Variants in DNAH11 observed in about 807,000 individuals in gnomAD.
DNAH11 encodes dynein axonemal heavy chain 11, also known as axonemal beta dynein heavy chain 11.
Under a neutral mutation model 526.0 loss-of-function variants are expected in DNAH11, and 442 were observed. The observed-to-expected ratio is 0.84, with a 90% confidence interval of 0.78 to 0.91. The LOEUF is 0.91. Ranked by LOEUF, DNAH11 falls within the 40% of genes least tolerant of loss-of-function variation. The probability of loss-of-function intolerance (pLI) is 0.00; values close to 1 mark genes in which losing one functional copy is unlikely to be tolerated. For missense variants in DNAH11, 6,989 were observed against 5,448.7 expected (o/e 1.28, Z -8.90); for synonymous variants, 2,461 against 1,935.9 (o/e 1.27, Z -7.12).
At position 21,615,023 on chromosome 7, in the gene DNAH11, G is replaced by T. The variant is rs1214439387; in HGVS notation, c.3853-91G>T. On this transcript the variant is annotated intron_variant, in intron 20 of 81. Transcript: ENST00000409508. ...TTTTATTTTCCCGTTAAAAATCAAA[G>T]ATTGAAATGTCGAGATAACCAGAGC... The T allele has an allele frequency of 3.2e-5, 43 of 1,349,282 alleles. No individual in the cohort carries two copies. The Admixed American group carries it at 1.2e-3, about 39-fold the overall frequency. 83.6% of individuals were successfully genotyped at this position (1,349,282 alleles called of 1,614,324 possible).
chr7:21,831,682 C>G (rs1476674033), intron 65 of DNAH11, among the ~76,000 whole-genome samples: 1 of 152,152 alleles, frequency 6.6e-6, no homozygotes, highest in Admixed American at 6.5e-5. Flanking sequence ...AAACTGGAAT[C>G]CTGTATGCTT....
At chr7:21,817,450 A>C (rs1789845096) in intron 64 of DNAH11, among the ~76,000 whole-genome samples, 1 of 150,516 alleles carries the variant, frequency 6.6e-6, no homozygotes, top group African/African-American at 2.5e-5. Flanking sequence ...GGAGGCTGAT[A>C]CAGGAGGATT....
rs561682750 is a variant in DNAH11, at chr7:21,698,491, C to T, written c.6180+278C>T. Among the ~76,000 whole-genome samples, 5 of 152,182 alleles carry T rather than the reference C, an allele frequency of 3.3e-5. No individual in the cohort carries two copies. The South Asian group carries it at 6.2e-4, about 19-fold the overall frequency. ...CACCTCCCACCTTTTCTCCCAAGTC[C>T]CTGTAGGCCATTATATCATTCTTAT... On this transcript the variant is annotated intron_variant, in intron 36 of 81. Coordinates refer to ENST00000409508, the MANE Select transcript of DNAH11 (RefSeq NM_001277115.2).
chr7:21,545,778 C>T (rs573467814), intron 2 of DNAH11, among the ~76,000 whole-genome samples: 4 of 152,232 alleles, frequency 2.6e-5, no homozygotes, highest in South Asian at 4.2e-4. Flanking sequence ...GAGTGGAGCC[C>T]GAGGTTCTGC....
At chr7:21,643,821 A>G (rs962691398) in intron 28 of DNAH11, among the ~76,000 whole-genome samples, 5 of 152,198 alleles carry the variant, frequency 3.3e-5, no homozygotes, top group Non-Finnish European at 7.3e-5. Context: ...AATAATGCAA[A>G]AGATCTCACT....
chr7:21,839,220 A>G (rs542509847), intron 65 of DNAH11, among the ~76,000 whole-genome samples: 107 of 152,310 alleles, frequency 7.0e-4, no homozygotes, highest in Non-Finnish European at 1.3e-3. Context: ...ATCAAATTAT[A>G]GAAACATGAC....
At chr7:21,760,963 T>C (rs373025261) in intron 54 of DNAH11, among the ~76,000 whole-genome samples, 4 of 152,372 alleles carry the variant, frequency 2.6e-5, no homozygotes, top group African/African-American at 9.6e-5. Context: ...TTATTTCTTA[T>C]AAGCCCTTTG....
intron 65 of DNAH11, among the ~76,000 whole-genome samples, chr7:21,821,337 C>A (rs562179491): frequency 6.6e-6 from 1 of 152,058 alleles, no homozygotes; most frequent in Non-Finnish European, 1.5e-5. Flanking sequence ...TGGTTGACCA[C>A]GTAGATTGGG....
At position 21,864,663 on chromosome 7, in the gene DNAH11, T is replaced by C; in HGVS notation, c.11496+6T>C. 6.3e-7 allele frequency: 1 copy of C among 1,576,802 alleles called. No homozygotes were observed. Among genetic ancestry groups the C allele is most frequent in the South Asian group, 1.2e-5 (1 of 83,414 alleles). On this transcript the variant is annotated splice_donor_region_variant and intron_variant, in intron 70 of 81. Transcript: ENST00000409508. The stretch of plus-strand genomic sequence containing the variant: ...AGTCATGGAGTGCTATCAAGGTATG[T>C]TAGGAATACAGTTTCTCAAATTCTG...
At chr7:21,781,251 C>A (rs548346240) in intron 57 of DNAH11, among the ~76,000 whole-genome samples, 1 of 152,142 alleles carries the variant, frequency 6.6e-6, no homozygotes, top group South Asian at 2.1e-4. Flanking sequence ...TACACAGCCA[C>A]GTTTAACATG....
intron 55 of DNAH11, 74 bp from the exon 56 acceptor site, chr7:21,773,692 T>G: frequency 4.1e-6 from 4 of 985,306 alleles, no homozygotes; most frequent in Non-Finnish European, 5.2e-6. Flanking sequence ...AAAATGATCA[T>G]TTACTTGATT....
chr7:21,686,917 A>C (rs1022555210), intron 32 of DNAH11, among the ~76,000 whole-genome samples, 182 bp from the exon 33 acceptor site: 2 of 152,236 alleles, frequency 1.3e-5, no homozygotes, highest in African/African-American at 2.4e-5. Context: ...GCTAGCCTAA[A>C]AATAAATGTG....
chr7:21,679,812 C>T (rs575530774), intron 30 of DNAH11, among the ~76,000 whole-genome samples: 7 of 152,184 alleles, frequency 4.6e-5, no homozygotes, highest in African/African-American at 1.7e-4. Flanking sequence ...GTTAATAGGG[C>T]TTTGACTCAA....
In DNAH11 at chr7:21,892,673, G is replaced by C; in HGVS notation, c.12750+6G>C. ...GGCAGTCTACAGAAGAAAAGGTAGA[G>C]GGTCTTTCCTTCCTTTTCTTTTTCA... is the stretch of plus-strand genomic sequence containing the variant. On this transcript the variant is annotated splice_donor_region_variant and intron_variant, in intron 77 of 81. Transcript: ENST00000409508. 6.3e-7 allele frequency: 1 copy of C among 1,580,404 alleles called. No homozygotes were observed. Among genetic ancestry groups the C allele is most frequent in the Non-Finnish European group, 8.6e-7 (1 of 1,162,372 alleles).
At chr7:21,756,965 C>A (rs1294285336) in intron 54 of DNAH11, among the ~76,000 whole-genome samples, 1 of 152,078 alleles carries the variant, frequency 6.6e-6, no homozygotes, top group Non-Finnish European at 1.5e-5. Context: ...TCATTAAGTT[C>A]TTTTCTCAAT....
At position 21,600,883 on chromosome 7, in the gene DNAH11, GA is replaced by G; in HGVS notation, c.3210del (p.Glu1071LysfsTer26). 1 of 1,613,890 alleles carries G rather than the reference GA, an allele frequency of 6.2e-7. No individual in the cohort carries two copies. Among genetic ancestry groups the G allele is most frequent in the Non-Finnish European group, 8.5e-7 (1 of 1,179,830 alleles). ...CGATGAAATGGATGCTCATGCAAAT[GA>G]AGAAATTCCCGAACAACCACCAACT... Reference protein sequence around the residue: ...SSDEMDAHANEEIPEQPPTLE... With the variant: ...SSDEMDAHANXEIPEQPPTLE... On this transcript the variant is annotated frameshift_variant, in exon 16 of 82. Coordinates refer to ENST00000409508, the MANE Select transcript of DNAH11 (RefSeq NM_001277115.2). LOFTEE classifies it high-confidence loss of function.
chr7:21,892,076 G>C (rs1784345912), intron 76 of DNAH11, among the ~76,000 whole-genome samples: 1 of 152,038 alleles, frequency 6.6e-6, no homozygotes, highest in Non-Finnish European at 1.5e-5. Flanking sequence ...TTCCTCTCTG[G>C]GAAATGGGGA....
rs1784658492 is a variant in DNAH11, at chr7:21,899,408, G to A, written c.13122G>A (p.Val4374=). The part of the protein sequence containing the change: ...WTQDLTLPAV[V]WLSGFFNPQS... ...AAGACCTTACCCTTCCGGCTGTCGTGTGGCTCTCCGGCTTCTTCAACCCTC... is the reference window on the plus strand; with the variant it reads ...AAGACCTTACCCTTCCGGCTGTCGTATGGCTCTCCGGCTTCTTCAACCCTC... The change falls in exon 80 of 82, where the codon GTG becomes GTA. Residue 4374 remains valine, a synonymous_variant. Coordinates refer to ENST00000409508, the MANE Select transcript of DNAH11 (RefSeq NM_001277115.2). 6.2e-7 allele frequency: 1 copy of A among 1,613,948 alleles called. No individual in the cohort carries two copies. The highest frequency in any genetic ancestry group is 1.7e-5 in the Admixed American group (1 of 60,030).
chr7:21,877,874 C>CAAAAAAAAAAAAAAAAAAAAAAAAAAAAA (rs59694030), intron 74 of DNAH11, among the ~76,000 whole-genome samples: 2 of 66,608 alleles, frequency 3.0e-5, no homozygotes, highest in Non-Finnish European at 5.1e-5. Context: ...GACTCCATCT[C>CAAAAAAAAAAAAAAAAAAAAAAAAAAAAA]AAAAAAAAAA....
Sources: allele counts gnomAD v4.1 joint callset (sites outside exome capture counted in the v4.1 genomes callset), GRCh38; gene constraint gnomAD v4.1.1; transcripts MANE v1.5; gene names NCBI Gene and HGNC (gene_info 2026-07-23, HGNC 2026-07-21).